Variants in CC2D2A observed in about 807,000 individuals in gnomAD.
CC2D2A encodes coiled-coil and C2 domain containing 2A, also known as coiled-coil and C2 domain-containing protein 2A.
CC2D2A carries 155 observed loss-of-function variants against 212.9 expected under a neutral mutation model. The observed-to-expected ratio is 0.73, with a 90% CI of 0.64 to 0.83. CC2D2A has a LOEUF of 0.83. CC2D2A is among the 40% of genes least tolerant of loss of function. The pLI, the probability that CC2D2A is intolerant of heterozygous loss-of-function variation, is 0.00. For missense variants in CC2D2A, 1,856 were observed against 1,956.2 expected, an observed-to-expected ratio of 0.95 and a Z score of 0.97; for synonymous variants, 667 against 686.5, an observed-to-expected ratio of 0.97 and a Z score of 0.44.
At position 15,559,244 on chromosome 4, in the gene CC2D2A, A is replaced by C; in HGVS notation, c.2909A>C (p.Lys970Thr). Residue 970 changes from lysine (K) to threonine (T), a missense_variant, in exon 22 of 37, where the codon AAG (lysine) becomes ACG (threonine). Physicochemically the swap from Lys to Thr is moderately conservative, Grantham distance 78. Coordinates refer to ENST00000424120, the MANE Select transcript of CC2D2A (RefSeq NM_001378615.1). ...GACACCCATAGGGCCATAGTAGCCA[A>C]GTACCTCCAGCAGGTAAGAAAAATC... The part of the protein sequence containing the change: ...HIDTHRAIVA[K>T]YLQQVRESVI... 1.3e-6 allele frequency: 2 copies of C among 1,549,748 alleles called. No homozygotes were observed. Among genetic ancestry groups the C allele is most frequent in the Non-Finnish European group, 1.7e-6 (2 of 1,144,798 alleles).
At chr4:15,482,955 G>A (rs1290167632) in intron 4 of CC2D2A, among the ~76,000 whole-genome samples, 1 of 152,204 alleles carries the variant, frequency 6.6e-6, no homozygotes, top group Admixed American at 6.5e-5. Context: ...GCTGAGACCT[G>A]CCTACTGGAG....
At chr4:15,531,956 C>G (rs766943288) in intron 13 of CC2D2A, among the ~76,000 whole-genome samples, 6 of 152,152 alleles carry the variant, frequency 3.9e-5, no homozygotes, top group Admixed American at 1.3e-4. Flanking sequence ...TACTTGGTAT[C>G]GGGCAAGGTT....
At chr4:15,595,558 A>C (rs1721282304) in intron 33 of CC2D2A, among the ~76,000 whole-genome samples, 1 of 152,246 alleles carries the variant, frequency 6.6e-6, no homozygotes. Flanking sequence ...AAGGAAACCG[A>C]GGCATACAGA....
chr4:15,600,014 CTA>C (rs1310545949), intron 36 of CC2D2A, among the ~76,000 whole-genome samples: 1 of 152,138 alleles, frequency 6.6e-6, no homozygotes, highest in Admixed American at 6.5e-5. Flanking sequence ...TCAAAACACT[CTA>C]GAGCAGTTTT....
At chr4:15,555,231 A>G (rs369124928) in intron 20 of CC2D2A, 21 bp downstream of exon 20, 1 of 1,607,820 alleles carries the variant, frequency 6.2e-7, no homozygotes, top group South Asian at 1.1e-5. Flanking sequence ...GGAGGCACAC[A>G]TGCCATTTCT....
intron 4 of CC2D2A, among the ~76,000 whole-genome samples, chr4:15,484,918 C>T (rs1347690368): frequency 8.6e-5 from 13 of 152,012 alleles, no homozygotes; most frequent in Non-Finnish European, 1.0e-4. Flanking sequence ...GTCCCTTTCC[C>T]ACCTCTGCCC....
At position 15,559,200 on chromosome 4, in the gene CC2D2A, A is replaced by G; in HGVS notation, c.2865A>G (p.Ile955Met). The G allele has an allele frequency of 6.4e-7, 1 of 1,552,958 alleles. No homozygotes were observed. The highest frequency in any genetic ancestry group is 8.7e-7 in the Non-Finnish European group (1 of 1,148,238). The change falls in exon 22 of 37, where the codon ATA (isoleucine) becomes ATG (methionine). Residue 955 changes from isoleucine (I) to methionine (M), a missense_variant. Physicochemically the swap from Ile to Met is conservative, Grantham distance 10. This residue lies in a region of CC2D2A where 1,512 missense variants were observed against 1,579.3 expected (regional missense o/e 0.96). Transcript: ENST00000424120. ...AACGGTTACGAGACAGAAATGTAAT[A>G]GAAACCAAGGAACACATAGACACCC... ...YEKRLRDRNVIETKEHIDTHR... is the reference protein window; with the variant it reads ...YEKRLRDRNVMETKEHIDTHR...
At chr4:15,485,228 C>G (rs75746194) in intron 4 of CC2D2A, among the ~76,000 whole-genome samples, 3,104 of 152,312 alleles carry the variant, frequency 0.02, 43 homozygotes, top group East Asian at 0.052. Context: ...AAAACATGTA[C>G]TAGTTGTCTT....
intron 30 of CC2D2A, among the ~76,000 whole-genome samples, chr4:15,584,322 G>C (rs1269533702): frequency 6.6e-6 from 1 of 152,088 alleles, no homozygotes; most frequent in East Asian, 1.9e-4. Context: ...AATGGAAGAG[G>C]ATAGCAAACC....
At chr4:15,581,011 C>T (rs1720637288) in intron 30 of CC2D2A, among the ~76,000 whole-genome samples, 1 of 152,208 alleles carries the variant, frequency 6.6e-6, no homozygotes, top group Non-Finnish European at 1.5e-5. Flanking sequence ...CCATACCCAT[C>T]ACAAACTTGT....
chr4:15,567,356 T>A (rs752443905), intron 24 of CC2D2A, 21 bp from the exon 25 acceptor site: 3 of 1,542,512 alleles, frequency 1.9e-6, no homozygotes, highest in East Asian at 4.5e-5. Flanking sequence ...ATTAATTTCC[T>A]TCATACATTT....
rs1716850910 is a variant in CC2D2A at position 15,516,016 on chromosome 4, C to A, written c.1017+12C>A. The A allele has an allele frequency of 6.3e-7, 1 of 1,582,064 alleles. No individual in the cohort carries two copies. Among genetic ancestry groups the A allele is most frequent in the Non-Finnish European group, 8.6e-7 (1 of 1,164,104 alleles). On this transcript the variant is annotated intron_variant, in intron 10 of 36. Transcript: ENST00000424120. ...TGATGCAGGACCCCGTAAGTGTGCA[C>A]CCTCTGCTCTCAGGTGTAGCCTGGG...
intron 24 of CC2D2A, among the ~76,000 whole-genome samples, chr4:15,564,550 G>A (rs1279097700): frequency 6.6e-6 from 1 of 152,156 alleles, no homozygotes; most frequent in Non-Finnish European, 1.5e-5. Context: ...TAAGTGGCTT[G>A]GCTAAGGTCA....
chr4:15,517,395 C>T (rs1485036975), intron 11 of CC2D2A, among the ~76,000 whole-genome samples: 1 of 152,204 alleles, frequency 6.6e-6, no homozygotes, highest in Non-Finnish European at 1.5e-5. Context: ...TGCAGGACCA[C>T]TTCCCATTTG....
chr4:15,579,131 T>G (rs12500587), intron 29 of CC2D2A, among the ~76,000 whole-genome samples: 47,938 of 151,942 alleles, frequency 0.32, 7,637 homozygotes, highest in Middle Eastern at 0.43. Flanking sequence ...AAATCTACAT[T>G]TGTTCTGTTT....
At chr4:15,484,727 TAG>T (rs1480703558) in intron 4 of CC2D2A, among the ~76,000 whole-genome samples, 1 of 152,094 alleles carries the variant, frequency 6.6e-6, no homozygotes, top group Non-Finnish European at 1.5e-5. Flanking sequence ...CTTTCCCCAA[TAG>T]AGTTTCAGAG....
intron 33 of CC2D2A, among the ~76,000 whole-genome samples, chr4:15,595,085 G>C (rs555009480): frequency 6.6e-6 from 1 of 152,262 alleles, no homozygotes; most frequent in South Asian, 2.1e-4. Context: ...AAACTGCTGG[G>C]ATTATGAGTG....
chr4:15,538,851 C>G (rs1363204534), intron 16 of CC2D2A, among the ~76,000 whole-genome samples: 3 of 151,988 alleles, frequency 2.0e-5, no homozygotes, highest in Non-Finnish European at 2.9e-5. Flanking sequence ...AGCCATGGTT[C>G]TCAAAGTATA....
At chr4:15,511,462 G>A in intron 8 of CC2D2A, 39 bp downstream of exon 8, 2 of 1,455,726 alleles carry the variant, frequency 1.4e-6, no homozygotes, top group Non-Finnish European at 9.0e-7. Context: ...GTGGGTGGAG[G>A]GCTAGGAGGA....
Sources: allele counts gnomAD v4.1 joint callset (sites outside exome capture counted in the v4.1 genomes callset), GRCh38; gene constraint gnomAD v4.1.1; regional missense constraint gnomAD v4.1.1; transcripts MANE v1.5; gene names NCBI Gene and HGNC (gene_info 2026-07-23, HGNC 2026-07-21).